TJP1: variants seen among roughly 807,000 people sequenced by gnomAD.
TJP1 encodes the protein tight junction protein 1.
TJP1 carries 43 observed loss-of-function variants against 194.2 expected under a neutral mutation model. The observed-to-expected ratio is 0.22, with a 90% confidence interval of 0.17 to 0.29. The LOEUF is 0.29. Among genes scored for constraint, TJP1 ranks in the 10% least tolerant of loss-of-function variants. TJP1 has a pLI of 1.00. For missense variants in TJP1, 1,971 were observed against 2,185.7 expected (o/e 0.90, Z 1.96); for synonymous variants, 801 against 779.0 (o/e 1.03, Z -0.47).
intron 2 of TJP1, among the ~76,000 whole-genome samples, chr15:29,844,412 G>A (rs562116901): frequency 6.6e-6 from 1 of 152,322 alleles, no homozygotes; most frequent in East Asian, 1.9e-4. Context: ...GTGCAGAGAA[G>A]GAAGGCAAGA....
intron 2 of TJP1, among the ~76,000 whole-genome samples, chr15:29,889,437 C>T (rs940370860): frequency 1.3e-5 from 2 of 152,132 alleles, no homozygotes; most frequent in African/African-American, 4.8e-5. Flanking sequence ...AATTAATCAA[C>T]AATCAGTCTT....
At chr15:29,901,153 G>A (rs1007644000) in intron 2 of TJP1, among the ~76,000 whole-genome samples, 8 of 152,112 alleles carry the variant, frequency 5.3e-5, no homozygotes, top group East Asian at 1.9e-4. Context: ...GGGCATTGAC[G>A]GAACGCTTAC....
intron 2 of TJP1, among the ~76,000 whole-genome samples, chr15:29,786,837 T>C (rs1420968777): frequency 6.6e-6 from 1 of 152,152 alleles, no homozygotes; most frequent in Non-Finnish European, 1.5e-5. Flanking sequence ...GACATATAAA[T>C]GGAAAGAGCA....
rs369966079 is a variant in TJP1, at chr15:29,741,383, T to G, written c.1204A>C (p.Ser402Arg). 5.6e-6 allele frequency: 9 copies of G among 1,600,844 alleles called. No homozygotes were observed. Among genetic ancestry groups the G allele is most frequent in the Non-Finnish European group, 7.6e-6 (9 of 1,176,516 alleles). Residue 402 changes from serine (S) to arginine (R), a missense_variant, in exon 10 of 28, where the codon AGT (serine) becomes CGT (arginine). Around this residue, in one of 5 missense-constraint regions of TJP1, gnomAD observed 192 missense variants for 182.3 expected, o/e 1.05. Transcript: ENST00000614355. ...VGQPDVDLPV[S>R]PSDGVLPNST... ...TTAGGTAGGACACCATCAGATGGAC[T>G]GACAGGTAAATCCACATCTGGTTGC...
chr15:29,750,572 A>G (rs764084691), intron 8 of TJP1, among the ~76,000 whole-genome samples: 3 of 152,150 alleles, frequency 2.0e-5, no homozygotes, highest in Non-Finnish European at 4.4e-5. Flanking sequence ...CTCCTGATTG[A>G]TAAGATATGC....
chr15:29,708,453 G>A (rs2151019869), intron 25 of TJP1, 106 bp downstream of exon 25: 1 of 909,116 alleles, frequency 1.1e-6, no homozygotes, highest in East Asian at 2.4e-5. Context: ...CAGTTTAAAG[G>A]TTGAGTTAAA....
At position 29,858,464 on chromosome 15, in the gene TJP1, T is replaced by TG. The variant is rs1233570293; in HGVS notation, c.307-57763dup. Reference sequence around the variant, plus strand: ...AAATATTAATCCAATGATTATATACTGAGTCCCTAGTATGTGCCAGGCACT... The same window carrying TG: ...AAATATTAATCCAATGATTATATACTGGAGTCCCTAGTATGTGCCAGGCACT... On this transcript the variant is annotated intron_variant, in intron 2 of 28. Transcript: ENST00000356107. Among the ~76,000 whole-genome samples, 8 of 152,322 alleles carry TG rather than the reference T, an allele frequency of 5.3e-5. No homozygotes were observed. In the East Asian group the frequency reaches 1.5e-3, roughly 29 times the overall value.
At chr15:29,704,078 C>A in intron 27 of TJP1, 84 bp downstream of exon 27, 1 of 1,412,026 alleles carries the variant, frequency 7.1e-7, no homozygotes, top group Non-Finnish European at 9.6e-7. Flanking sequence ...TTTGCTAACA[C>A]ACAGCATGGG....
chr15:29,777,011 G>T (rs185061692), intron 2 of TJP1, among the ~76,000 whole-genome samples: 2 of 152,036 alleles, frequency 1.3e-5, no homozygotes, highest in African/African-American at 4.8e-5. Flanking sequence ...TCAAGTAAAA[G>T]TGATGCCTGC....
intron 25 of TJP1, among the ~76,000 whole-genome samples, chr15:29,707,989 G>T (rs1227126116): frequency 6.6e-6 from 1 of 152,068 alleles, no homozygotes; most frequent in Non-Finnish European, 1.5e-5. Flanking sequence ...CTTGAGATCA[G>T]AAGTTCAAAA....
chr15:29,743,902 C>G (rs970558146), intron 8 of TJP1, among the ~76,000 whole-genome samples: 2 of 152,148 alleles, frequency 1.3e-5, no homozygotes, highest in Non-Finnish European at 2.9e-5. Flanking sequence ...TATTATCGGC[C>G]GGGCACAGTA....
At chr15:29,878,596 T>TAAA (rs892856463) in intron 2 of TJP1, among the ~76,000 whole-genome samples, 2 of 147,904 alleles carry the variant, frequency 1.4e-5, no homozygotes, top group African/African-American at 5.0e-5. Flanking sequence ...TCTGCAAAAT[T>TAAA]AAAAAAAAAA....
chr15:29,886,671 T>C (rs1360863359), intron 2 of TJP1, among the ~76,000 whole-genome samples: 4 of 147,442 alleles, frequency 2.7e-5, no homozygotes, highest in African/African-American at 1.0e-4. Flanking sequence ...TTTGAAAGTA[T>C]AGTAAAAAAA....
chr15:29,729,420 TA>T (rs1188186464), intron 15 of TJP1: 1 of 152,102 alleles, frequency 6.6e-6, no homozygotes, highest in Non-Finnish European at 1.5e-5. Flanking sequence ...GTTCAGAAAA[TA>T]AATATCCTTA....
At chr15:29,918,836 T>G (rs1243569309) in intron 2 of TJP1, among the ~76,000 whole-genome samples, 1 of 151,836 alleles carries the variant, frequency 6.6e-6, no homozygotes, top group South Asian at 2.1e-4. Context: ...TCAAACATAG[T>G]AGAGAAAAGA....
At chr15:29,880,786 A>G (rs1316858528) in intron 2 of TJP1, among the ~76,000 whole-genome samples, 1 of 152,158 alleles carries the variant, frequency 6.6e-6, no homozygotes, top group African/African-American at 2.4e-5. Context: ...TTCTCTTTTT[A>G]AGCCGAACAA....
intron 1 of TJP1, among the ~76,000 whole-genome samples, chr15:29,967,711 T>C (rs2056380557): frequency 6.6e-6 from 1 of 152,234 alleles, no homozygotes; most frequent in South Asian, 2.1e-4. Context: ...TCTTTCACAC[T>C]GTCTTATAGA....
intron 2 of TJP1, among the ~76,000 whole-genome samples, chr15:29,941,812 A>G (rs1431207640): frequency 6.6e-6 from 1 of 152,074 alleles, no homozygotes; most frequent in African/African-American, 2.4e-5. Flanking sequence ...AGATGATGAC[A>G]ATGGCGTGCA....
Position 29,720,506 on chromosome 15 carries a change from G to C in TJP1, c.2615C>G (p.Ser872Cys). Residue 872 changes from serine (S) to cysteine (C), a missense_variant, in exon 19 of 28, where the codon TCT (serine) becomes TGT (cysteine). Coordinates refer to ENST00000614355, the MANE Select transcript of TJP1 (RefSeq NM_001330239.4). Reference protein sequence around the residue: ...LNDEVGTPPESAITRSSEPVR... With the variant: ...LNDEVGTPPECAITRSSEPVR... ...AGGCTCAGAGGACCGTGTAATGGCA[G>C]ACTCCGGTGGAGTCCCAACCTCATC... 1.2e-6 allele frequency: 2 copies of C among 1,614,158 alleles called. No homozygotes were observed. The highest frequency in any genetic ancestry group is 1.7e-6 in the Non-Finnish European group (2 of 1,180,032).
Sources: gnomAD v4.1 joint callset for allele counts (sites outside exome capture counted in the v4.1 genomes callset) on GRCh38, gnomAD v4.1.1 for gene constraint, gnomAD v4.1.1 regional missense constraint, MANE v1.5 for transcripts, NCBI Gene and HGNC (gene_info 2026-07-23, HGNC 2026-07-21) for gene names.